The following NRXN3 variants were observed in gnomAD, a reference collection of about 807,000 sequenced individuals.
NRXN3 encodes neurexin 3, also known as neurexin III.
A neutral mutation model predicts 137.6 loss-of-function variants in NRXN3; 32 were observed. The ratio of observed to expected loss-of-function variants is 0.23; its 90% CI spans 0.18 to 0.31. The LOEUF is 0.31. NRXN3 is among the 10% of genes least tolerant of loss of function. The probability of loss-of-function intolerance (pLI) is 1.00; values close to 1 mark genes in which losing one functional copy is unlikely to be tolerated. For synonymous variants in NRXN3, 798 were observed against 784.5 expected (o/e 1.02, Z -0.29); for missense variants, 1,574 against 2,062.5 (o/e 0.76, Z 4.59).
chr14:79,830,983 A>C (rs2099321505), intron 20 of NRXN3, among the ~76,000 whole-genome samples: 1 of 152,194 alleles, frequency 6.6e-6, no homozygotes, highest in Admixed American at 6.5e-5. Context: ...ACAAGTATTA[A>C]GTTGACAGAT....
chr14:79,770,697 A>C (rs1323500608), intron 19 of NRXN3, among the ~76,000 whole-genome samples: 1 of 149,930 alleles, frequency 6.7e-6, no homozygotes, highest in Non-Finnish European at 1.5e-5. Flanking sequence ...TGACACCCTA[A>C]CATCACAATT....
intron 15 of NRXN3, among the ~76,000 whole-genome samples, chr14:79,052,815 T>A (rs1268509912): frequency 6.6e-6 from 1 of 152,186 alleles, no homozygotes. Flanking sequence ...AGCCCATATC[T>A]GCAGTGTTTT....
At chr14:79,061,179 G>A (rs1434308911) in intron 15 of NRXN3, among the ~76,000 whole-genome samples, 4 of 152,122 alleles carry the variant, frequency 2.6e-5, no homozygotes. Context: ...CTAAACACTG[G>A]GGAGACAACA....
At chr14:79,762,871 A>G (rs967338489) in intron 19 of NRXN3, among the ~76,000 whole-genome samples, 2 of 151,604 alleles carry the variant, frequency 1.3e-5, no homozygotes, top group Admixed American at 6.6e-5. Context: ...CTTTTCTTCA[A>G]TTTTTTAAAA....
intron 20 of NRXN3, among the ~76,000 whole-genome samples, chr14:79,821,378 A>C (rs2099271973): frequency 6.6e-6 from 1 of 152,158 alleles, no homozygotes; most frequent in African/African-American, 2.4e-5. Context: ...ACCAGACCAG[A>C]TGCAATCTGC....
intron 19 of NRXN3, among the ~76,000 whole-genome samples, chr14:79,762,797 G>A (rs144212280): frequency 6.6e-6 from 1 of 151,678 alleles, no homozygotes; most frequent in East Asian, 1.9e-4. Context: ...TTACTTAAGA[G>A]AGAGGCAAAG....
chr14:78,733,210 C>T (rs904381825), intron 8 of NRXN3, among the ~76,000 whole-genome samples: 2 of 152,104 alleles, frequency 1.3e-5, no homozygotes, highest in Admixed American at 1.3e-4. Flanking sequence ...ATGCCTGCTG[C>T]ACTATTTTCT....
intron 8 of NRXN3, among the ~76,000 whole-genome samples, chr14:78,756,574 G>A (rs1454940997): frequency 6.9e-6 from 1 of 145,742 alleles, no homozygotes; most frequent in Non-Finnish European, 1.5e-5. Context: ...AAGGTTCACT[G>A]TAAAATGAAA....
intron 16 of NRXN3, among the ~76,000 whole-genome samples, chr14:79,502,355 C>CT (rs2096833786): frequency 1.3e-5 from 2 of 152,084 alleles, no homozygotes; most frequent in Non-Finnish European, 2.9e-5. Context: ...AGTGAAGTAC[C>CT]TTTTTTTCTT....
chr14:79,675,228 A>G (rs1040484710), intron 17 of NRXN3, among the ~76,000 whole-genome samples: 1 of 152,042 alleles, frequency 6.6e-6, no homozygotes, highest in African/African-American at 2.4e-5. Context: ...CAAGTAGCAT[A>G]GGCTTTAGAA....
chr14:78,456,848 T>TCTTTCTTG (rs2094736724), intron 4 of NRXN3, among the ~76,000 whole-genome samples: 1 of 133,828 alleles, frequency 7.5e-6, no homozygotes, highest in African/African-American at 2.5e-5. Flanking sequence ...TTTCTTTCTT[T>TCTTTCTTG]CTTTCTTTTT....
chr14:79,757,273 A>G (rs1379849343), intron 19 of NRXN3, among the ~76,000 whole-genome samples: 1 of 152,180 alleles, frequency 6.6e-6, no homozygotes, highest in Non-Finnish European at 1.5e-5. Context: ...TGAGGACACA[A>G]AAGAGATGCA....
intron 15 of NRXN3, among the ~76,000 whole-genome samples, chr14:79,233,455 C>G (rs1168967537): frequency 6.6e-6 from 1 of 152,054 alleles, no homozygotes; most frequent in African/African-American, 2.4e-5. Context: ...CTACTGTTGC[C>G]TTCTTGTACA....
intron 15 of NRXN3, among the ~76,000 whole-genome samples, chr14:79,162,466 G>A (rs947983050): frequency 6.6e-5 from 10 of 151,774 alleles, no homozygotes; most frequent in African/African-American, 1.7e-4. Flanking sequence ...TACAAAGGAC[G>A]TGAACTCATC....
At chr14:79,217,300 G>A (rs534226580) in intron 15 of NRXN3, among the ~76,000 whole-genome samples, 22 of 152,246 alleles carry the variant, frequency 1.4e-4, no homozygotes, top group Admixed American at 1.1e-3. Context: ...ATCACATGAC[G>A]AGAGCAGGAG....
intron 16 of NRXN3, among the ~76,000 whole-genome samples, chr14:79,613,889 C>T (rs2098129270): frequency 6.6e-6 from 1 of 152,238 alleles, no homozygotes; most frequent in Non-Finnish European, 1.5e-5. Flanking sequence ...GATGCCTCTA[C>T]CACACCGCAG....
At chr14:79,149,657 C>G (rs1385991711) in intron 15 of NRXN3, among the ~76,000 whole-genome samples, 1 of 152,006 alleles carries the variant, frequency 6.6e-6, no homozygotes, top group Non-Finnish European at 1.5e-5. Context: ...ACATATACAC[C>G]ATGGAATACT....
chr14:78,359,678 C>T (rs189952543), intron 4 of NRXN3, among the ~76,000 whole-genome samples: 2 of 152,106 alleles, frequency 1.3e-5, no homozygotes, highest in Admixed American at 6.5e-5. Context: ...TAATATTGTA[C>T]CCTGCGGTAC....
intron 15 of NRXN3, among the ~76,000 whole-genome samples, chr14:79,031,164 G>A (rs985503324): frequency 1.3e-5 from 2 of 152,100 alleles, no homozygotes; most frequent in African/African-American, 4.8e-5. Flanking sequence ...ATCCTAAGGG[G>A]AGGTCAGGGA....
Sources: allele counts gnomAD v4.1 joint callset (sites outside exome capture counted in the v4.1 genomes callset), GRCh38; gene constraint gnomAD v4.1.1; transcripts MANE v1.5; gene names NCBI Gene and HGNC (gene_info 2026-07-23, HGNC 2026-07-21).